The following PTGER3 variants were observed in gnomAD, a reference collection of about 807,000 sequenced individuals.
The protein encoded by PTGER3 is prostaglandin E2 receptor EP3 subtype.
PTGER3 carries 22 observed loss-of-function variants against 34.7 expected under a neutral mutation model. The observed-to-expected ratio is 0.63, with a 90% CI of 0.45 to 0.91. The LOEUF (loss-of-function observed/expected upper bound fraction) is 0.91. Among genes scored for constraint, PTGER3 ranks in the 40% least tolerant of loss-of-function variants. The pLI is 0.00. For missense variants in PTGER3, 468 were observed against 519.4 expected (o/e 0.90, Z 0.96); for synonymous variants, 241 against 230.1 (o/e 1.05, Z -0.43).
At chr1:70,908,123 C>T (rs1487636889) in intron 4 of PTGER3, among the ~76,000 whole-genome samples, 1 of 152,004 alleles carries the variant, frequency 6.6e-6, no homozygotes, top group African/African-American at 2.4e-5. Context: ...TGCAATAGGC[C>T]GAAAGTGTTG....
intron 4 of PTGER3, among the ~76,000 whole-genome samples, chr1:70,871,214 G>A (rs1365149905): frequency 1.3e-5 from 2 of 152,174 alleles, no homozygotes; most frequent in African/African-American, 4.8e-5. Context: ...GGAAGATGAA[G>A]TGGGAGAAGG....
chr1:70,875,033 T>C (rs1646245325), intron 4 of PTGER3, among the ~76,000 whole-genome samples: 1 of 152,224 alleles, frequency 6.6e-6, no homozygotes, highest in South Asian at 2.1e-4. Context: ...ACCAGGCAAC[T>C]ATTAGCCTAG....
At chr1:70,947,019 C>G (rs75569895) in intron 4 of PTGER3, among the ~76,000 whole-genome samples, 1,559 of 152,154 alleles carry the variant, frequency 0.01, 27 homozygotes, top group African/African-American at 0.035. Flanking sequence ...AGTTCCAGGA[C>G]TAGGTTTGTA....
chr1:71,020,077 T>G (rs1050415257), intron 1 of PTGER3, among the ~76,000 whole-genome samples: 2 of 152,192 alleles, frequency 1.3e-5, no homozygotes, highest in African/African-American at 4.8e-5. Context: ...ACTAGTTAAT[T>G]ATGTAATTTG....
In PTGER3 at chr1:70,904,516, G is replaced by C. The variant is rs183137817; in HGVS notation, c.*23+49247C>G. ...ATATGAACGATAAAGTCCAGGCTGA[G>C]GTGGTCTCAGATGGAGATGAGGAAC... is the stretch of plus-strand genomic sequence containing the variant. On this transcript the variant is annotated intron_variant, in intron 4 of 4. Coordinates refer to the PTGER3 transcript ENST00000370931. 4.5e-3 allele frequency among the ~76,000 whole-genome samples: 690 copies of C among 152,302 alleles called. 6 individuals carry two copies. The highest frequency in any genetic ancestry group is 0.016 in the African/African-American group (657 of 41,566).
intron 2 of PTGER3, among the ~76,000 whole-genome samples, chr1:70,976,269 G>A (rs113639326): frequency 0.016 from 2,398 of 152,168 alleles, 78 homozygotes; most frequent in African/African-American, 0.056. Flanking sequence ...TAGTGGACGC[G>A]TCATTATACA....
At chr1:70,965,542 T>C (rs373884070) in intron 2 of PTGER3, among the ~76,000 whole-genome samples, 19 of 150,300 alleles carry the variant, frequency 1.3e-4, no homozygotes, top group African/African-American at 4.7e-4. Context: ...TTTTCAAAAG[T>C]TTTTTTAAGA....
intron 4 of PTGER3, among the ~76,000 whole-genome samples, chr1:70,915,663 A>G (rs1304204631): frequency 6.6e-6 from 1 of 152,014 alleles, no homozygotes; most frequent in Non-Finnish European, 1.5e-5. Flanking sequence ...CATTTGGCCA[A>G]TTTCAACCAA....
At chr1:70,913,197 A>AT (rs1303556808) in intron 4 of PTGER3, among the ~76,000 whole-genome samples, 2 of 151,728 alleles carry the variant, frequency 1.3e-5, no homozygotes, top group African/African-American at 2.4e-5. Context: ...TCAGTGTACC[A>AT]TTTTTTTGTG....
At chr1:70,944,557 G>T (rs1650047079) in intron 4 of PTGER3, among the ~76,000 whole-genome samples, 1 of 152,118 alleles carries the variant, frequency 6.6e-6, no homozygotes, top group African/African-American at 2.4e-5. Flanking sequence ...TTTTAAATCT[G>T]AATTTTGGTG....
chr1:71,010,274 C>A, intron 2 of PTGER3: 1 of 984,396 alleles, frequency 1.0e-6, no homozygotes, highest in Non-Finnish European at 1.2e-6. Flanking sequence ...ACACTACACC[C>A]TTGAAGATAA....
chr1:70,984,015 G>A (rs558903229), intron 2 of PTGER3, among the ~76,000 whole-genome samples: 5 of 152,294 alleles, frequency 3.3e-5, no homozygotes, highest in East Asian at 1.9e-4. Context: ...TTTGGGTTGA[G>A]TATAGAAAAT....
At chr1:70,989,043 A>G (rs2100760642) in intron 2 of PTGER3, among the ~76,000 whole-genome samples, 1 of 152,142 alleles carries the variant, frequency 6.6e-6, no homozygotes, top group African/African-American at 2.4e-5. Flanking sequence ...CCCCCCCCAA[A>G]ACTTGTACAA....
At chr1:70,874,112 A>AC in intron 4 of PTGER3, among the ~76,000 whole-genome samples, 1 of 152,304 alleles carries the variant, frequency 6.6e-6, no homozygotes, top group South Asian at 2.1e-4. Flanking sequence ...AAACAAACAA[A>AC]ACTTTGTGTC....
At chr1:70,852,691 C>G in exon 5 of PTGER3, 1 of 931,370 alleles carries the variant, frequency 1.1e-6, no homozygotes, top group South Asian at 1.4e-5. Flanking sequence ...ATAACAGCTT[C>G]TGGATAACAG....
intron 1 of PTGER3, among the ~76,000 whole-genome samples, chr1:71,026,328 G>A (rs1467825093): frequency 2.0e-5 from 3 of 152,082 alleles, no homozygotes; most frequent in South Asian, 2.1e-4. Flanking sequence ...TATTACAAAC[G>A]GAAGCAACAC....
intron 4 of PTGER3, among the ~76,000 whole-genome samples, chr1:70,909,804 A>T (rs1305306692): frequency 6.6e-6 from 1 of 152,210 alleles, no homozygotes; most frequent in African/African-American, 2.4e-5. Flanking sequence ...CAAGAAAGGA[A>T]AAGAAAAATG....
intron 4 of PTGER3, among the ~76,000 whole-genome samples, chr1:70,928,133 T>TTATATA (rs143548664): frequency 7.6e-5 from 11 of 145,524 alleles, no homozygotes; most frequent in African/African-American, 2.0e-4. Flanking sequence ...ATATATATAT[T>TTATATA]TATATATATA....
At chr1:70,978,521 C>G (rs962182720) in intron 2 of PTGER3, among the ~76,000 whole-genome samples, 1 of 152,102 alleles carries the variant, frequency 6.6e-6, no homozygotes, top group African/African-American at 2.4e-5. Context: ...TTTAGAAACA[C>G]AAATCCAGGC....
Sources: allele counts gnomAD v4.1 joint callset (sites outside exome capture counted in the v4.1 genomes callset), GRCh38; gene constraint gnomAD v4.1.1; transcripts MANE v1.5; gene names NCBI Gene and HGNC (gene_info 2026-07-23, HGNC 2026-07-21).